The following GRID1 variants were observed in gnomAD, a reference collection of about 807,000 sequenced individuals.
GRID1 encodes glutamate receptor ionotropic, delta-1.
In GRID1, 28 loss-of-function variants were observed where a neutral mutation model predicts 98.0. The ratio of observed to expected loss-of-function variants is 0.29; its 90% confidence interval spans 0.21 to 0.39. The LOEUF (loss-of-function observed/expected upper bound fraction) is 0.39. GRID1 is among the 10% of genes least tolerant of loss of function. The pLI is 1.00. For synonymous variants in GRID1, 553 were observed against 538.5 expected, an observed-to-expected ratio of 1.03 and a Z score of -0.37; for missense variants, 1,111 against 1,340.5, an observed-to-expected ratio of 0.83 and a Z score of 2.67.
intron 2 of GRID1, among the ~76,000 whole-genome samples, chr10:86,254,992 C>G (rs1846895074): frequency 6.6e-6 from 1 of 152,186 alleles, no homozygotes; most frequent in Admixed American, 6.5e-5. Flanking sequence ...GCAAACAACT[C>G]CAGCCTGAGC....
At chr10:85,930,534 T>C (rs982051047) in intron 4 of GRID1, among the ~76,000 whole-genome samples, 1 of 152,076 alleles carries the variant, frequency 6.6e-6, no homozygotes, top group Non-Finnish European at 1.5e-5. Context: ...GGTCTCCAGT[T>C]GGATGAGCAG....
Position 85,787,852 on chromosome 10 carries a change from C to T in GRID1, c.1234-58238G>A, listed in dbSNP as rs376760893. On this transcript the variant is annotated intron_variant, in intron 8 of 15. Transcript: ENST00000327946. ...CACACCACCAGCCACTCCCTCTCTC[C>T]GGTTTCTTTCTACTCCCGATGCTTC... Among the ~76,000 whole-genome samples the T allele has an allele frequency of 4.8e-4, 73 of 152,198 alleles. No individual in the cohort carries two copies. The East Asian group carries it at 6.0e-3, about 13-fold the overall frequency.
intron 4 of GRID1, among the ~76,000 whole-genome samples, chr10:86,059,534 TAAG>T (rs1465517214): frequency 6.6e-6 from 1 of 152,226 alleles, no homozygotes; most frequent in East Asian, 1.9e-4. Flanking sequence ...CATCCTTCAA[TAAG>T]AAGAGTGAGT....
intron 8 of GRID1, among the ~76,000 whole-genome samples, chr10:85,830,001 A>G (rs1475939557): frequency 6.6e-6 from 1 of 152,158 alleles, no homozygotes; most frequent in Admixed American, 6.5e-5. Context: ...AAATAACCAA[A>G]GCAATCCTAA....
intron 14 of GRID1, among the ~76,000 whole-genome samples, chr10:85,619,010 T>A (rs1842825428): frequency 6.6e-6 from 1 of 152,200 alleles, no homozygotes; most frequent in Non-Finnish European, 1.5e-5. Context: ...GCCTTTCCAT[T>A]CAGATGCTTC....
At chr10:86,203,879 A>G in intron 3 of GRID1, among the ~76,000 whole-genome samples, 1 of 152,110 alleles carries the variant, frequency 6.6e-6, no homozygotes, top group Non-Finnish European at 1.5e-5. Context: ...TGCTGAGCCC[A>G]CACACGGCCT....
At chr10:85,753,692 C>G (rs967490058) in intron 8 of GRID1, among the ~76,000 whole-genome samples, 24 of 152,210 alleles carry the variant, frequency 1.6e-4, no homozygotes, top group African/African-American at 5.5e-4. Context: ...TAGCCTACAG[C>G]TATGTCCTGA....
intron 2 of GRID1, among the ~76,000 whole-genome samples, chr10:86,282,192 T>C (rs865930378): frequency 5.3e-5 from 8 of 152,316 alleles, no homozygotes; most frequent in Middle Eastern, 3.4e-3. Flanking sequence ...CTGCAAATCC[T>C]AGCATACAGC....
intron 13 of GRID1, among the ~76,000 whole-genome samples, chr10:85,627,428 A>G (rs890911900): frequency 1.3e-5 from 2 of 152,186 alleles, no homozygotes; most frequent in African/African-American, 4.8e-5. Flanking sequence ...TGGAAAAAGA[A>G]CCTGTTACAC....
chr10:85,669,333 T>A (rs550626785), intron 12 of GRID1, among the ~76,000 whole-genome samples: 24 of 152,272 alleles, frequency 1.6e-4, no homozygotes, highest in African/African-American at 5.8e-4. Flanking sequence ...CTCTTCATAA[T>A]CACCACCTAT....
chr10:86,254,347 T>C (rs572361215), intron 2 of GRID1, among the ~76,000 whole-genome samples: 1 of 152,198 alleles, frequency 6.6e-6, no homozygotes, highest in Non-Finnish European at 1.5e-5. Context: ...CCAGAGGTTC[T>C]CAAAGTGGGG....
intron 2 of GRID1, among the ~76,000 whole-genome samples, chr10:86,325,671 A>G (rs1403835961): frequency 2.0e-5 from 3 of 152,224 alleles, no homozygotes; most frequent in Non-Finnish European, 4.4e-5. Context: ...ATAACAAGAG[A>G]AATTTCAAAC....
intron 4 of GRID1, among the ~76,000 whole-genome samples, chr10:85,958,384 G>A (rs773625638): frequency 6.6e-6 from 1 of 152,188 alleles, no homozygotes; most frequent in African/African-American, 2.4e-5. Flanking sequence ...GGTGACACCT[G>A]TGATTGTTAA....
In GRID1 at chr10:86,366,298, C is replaced by A. The variant is rs1370710112; in HGVS notation, c.79+16G>T. 4 of 1,484,250 alleles carry A rather than the reference C, an allele frequency of 2.7e-6. No homozygotes were observed. Among genetic ancestry groups the A allele is most frequent in the South Asian group, 1.3e-5 (1 of 79,588 alleles). The allele number at this position is 1,484,250 out of a possible 1,614,324, so 91.9% of individuals were successfully genotyped here. A position where few individuals can be genotyped will look rare whatever the true frequency, so the allele number is the denominator to read the frequency against. ...GGCCCCCGCCCAGCCTCGGCCCGGC[C>A]TCCAGCCGCGCTTACCGATGTGGAT... On this transcript the variant is annotated intron_variant, in intron 1 of 15. Coordinates refer to ENST00000327946, the MANE Select transcript of GRID1 (RefSeq NM_017551.3). The surrounding 1 kb of genome is among the most constrained non-coding windows in gnomAD (Gnocchi z 4.1).
intron 12 of GRID1, among the ~76,000 whole-genome samples, chr10:85,670,593 G>T (rs919973642): frequency 1.3e-5 from 2 of 152,240 alleles, no homozygotes; most frequent in South Asian, 4.2e-4. Flanking sequence ...TGACTGCAAG[G>T]GGGAGAAGAA....
intron 13 of GRID1, among the ~76,000 whole-genome samples, chr10:85,641,720 G>C (rs961774726): frequency 6.6e-6 from 1 of 152,214 alleles, no homozygotes; most frequent in Non-Finnish European, 1.5e-5. Context: ...ATCTGGCCCA[G>C]TGCCTGGGAT....
intron 2 of GRID1, among the ~76,000 whole-genome samples, chr10:86,290,618 A>C: frequency 6.6e-6 from 1 of 152,018 alleles, no homozygotes; most frequent in Non-Finnish European, 1.5e-5. Context: ...ATGACACTGC[A>C]CTCCAGCCTG....
intron 4 of GRID1, among the ~76,000 whole-genome samples, chr10:86,021,274 G>A (rs76017967): frequency 2.4e-4 from 36 of 152,214 alleles, no homozygotes; most frequent in African/African-American, 8.4e-4. Flanking sequence ...GAGACTCCTT[G>A]GCGAACAGGT....
chr10:86,171,441 G>A (rs997417016), intron 3 of GRID1, among the ~76,000 whole-genome samples: 1 of 152,216 alleles, frequency 6.6e-6, no homozygotes, highest in African/African-American at 2.4e-5. Context: ...ATTGAAGAAA[G>A]AGAGATAAAC....
Sources: allele counts gnomAD v4.1 joint callset (sites outside exome capture counted in the v4.1 genomes callset), GRCh38; gene constraint gnomAD v4.1.1; non-coding constraint Gnocchi (gnomAD v3.1); transcripts MANE v1.5; gene names NCBI Gene and HGNC (gene_info 2026-07-23, HGNC 2026-07-21).